The following RCOR1 variants were observed in gnomAD, a reference collection of about 807,000 sequenced individuals.
The protein encoded by RCOR1 is REST corepressor 1.
In RCOR1, 12 loss-of-function variants were observed where a neutral mutation model predicts 64.0. That is an observed-to-expected ratio of 0.19 (90% confidence interval 0.12 to 0.30). The LOEUF is 0.30. RCOR1 is among the 10% of genes least tolerant of loss of function. The pLI is 1.00. For missense variants in RCOR1, 502 were observed against 621.2 expected (o/e 0.81, Z 2.04); for synonymous variants, 279 against 227.2 (o/e 1.23, Z -2.05).
intron 8 of RCOR1, among the ~76,000 whole-genome samples, chr14:102,714,925 A>G (rs1023391056): frequency 7.9e-5 from 12 of 152,128 alleles, no homozygotes; most frequent in African/African-American, 2.7e-4. Context: ...TACCCTAGTA[A>G]CCTGCATCTG....
At chr14:102,629,334 A>G (rs1894054666) in intron 2 of RCOR1, among the ~76,000 whole-genome samples, 1 of 151,626 alleles carries the variant, frequency 6.6e-6, no homozygotes, top group Non-Finnish European at 1.5e-5. Context: ...TCTTATCGTC[A>G]TCTAACACAC....
chr14:102,597,371 C>T (rs1421426499), intron 2 of RCOR1, among the ~76,000 whole-genome samples: 1 of 151,968 alleles, frequency 6.6e-6, no homozygotes, highest in Non-Finnish European at 1.5e-5. Flanking sequence ...CTCTTTCACC[C>T]AGGCTGGAGT....
Position 102,728,386 on chromosome 14 carries a change from C to A in RCOR1, c.*1880C>A, listed in dbSNP as rs1486957239. The A allele has an allele frequency of 6.6e-6, 1 of 152,110 alleles. No homozygotes were observed. The highest frequency in any genetic ancestry group is 2.4e-5 in the African/African-American group (1 of 41,392). The allele number at this position is 152,110 out of a possible 1,614,324, so 9.4% of individuals were successfully genotyped here. ...GGGAGAGGCTTCTTTTCACCATAAG[C>A]CTGCTGTGTACACCGAGGGCGGCAG... On this transcript the variant is annotated 3_prime_UTR_variant, in exon 12 of 12. Coordinates refer to ENST00000262241, the MANE Select transcript of RCOR1 (RefSeq NM_015156.4).
intron 3 of RCOR1, 69 bp from the exon 4 acceptor site, chr14:102,701,209 A>C: frequency 8.0e-7 from 1 of 1,257,590 alleles, no homozygotes; most frequent in South Asian, 1.2e-5. Context: ...CACGTATATC[A>C]ATTCTAGCAG....
intron 4 of RCOR1, among the ~76,000 whole-genome samples, chr14:102,703,651 A>T (rs2139980263): frequency 6.6e-6 from 1 of 152,358 alleles, no homozygotes; most frequent in East Asian, 1.9e-4. Context: ...TGTCAGTTAA[A>T]AGCTGCCGGA....
chr14:102,599,675 G>A (rs1027636411), intron 2 of RCOR1, among the ~76,000 whole-genome samples: 42 of 152,034 alleles, frequency 2.8e-4, no homozygotes, highest in African/African-American at 9.9e-4. Flanking sequence ...TGTGGAATAG[G>A]TAATTTTACT....
Position 102,676,031 on chromosome 14 carries a change from GTTTT to G in RCOR1, c.362-5850_362-5847del, listed in dbSNP as rs199759549. Among the ~76,000 whole-genome samples the G allele has an allele frequency of 4.9e-3, 701 of 142,754 alleles. 4 individuals are homozygous for G. The highest frequency in any genetic ancestry group is 0.017 in the African/African-American group (660 of 39,602). The allele number at this position is 142,754 out of a possible 152,430, so 93.7% of individuals were successfully genotyped here. A position where few individuals can be genotyped will look rare whatever the true frequency, so the allele number is the denominator to read the frequency against. On this transcript the variant is annotated intron_variant, in intron 2 of 11. Transcript: ENST00000262241. ...ATTGAAAACATCTGAATATTTCACA[GTTTT>G]TTTTTTTTTTTTTCCCCAAGGCAGA...
intron 2 of RCOR1, chr14:102,658,695 T>C (rs1370431806): frequency 1.2e-6 from 1 of 863,294 alleles, no homozygotes; most frequent in African/African-American, 1.8e-5. Flanking sequence ...GATACATTAC[T>C]AAGTTCCACA....
intron 2 of RCOR1, among the ~76,000 whole-genome samples, chr14:102,615,207 A>C (rs1181269739): frequency 1.5e-5 from 2 of 136,440 alleles, no homozygotes; most frequent in African/African-American, 5.6e-5. Context: ...ATCTTGGCTC[A>C]CTGCAACCTC....
intron 10 of RCOR1, 120 bp from the exon 11 acceptor site, chr14:102,722,067 T>G: frequency 2.8e-6 from 2 of 714,822 alleles, no homozygotes; most frequent in Non-Finnish European, 4.7e-6. Context: ...TACACGAAAT[T>G]ATTGCCTGCT....
chr14:102,720,538 T>C (rs1896152601), intron 8 of RCOR1, among the ~76,000 whole-genome samples: 1 of 152,214 alleles, frequency 6.6e-6, no homozygotes, highest in Admixed American at 6.5e-5. Flanking sequence ...TTCTGCCCTG[T>C]GTAGAAGCGG....
In RCOR1 at chr14:102,635,076, C is replaced by T. The variant is rs948962978; in HGVS notation, c.361+41751C>T. Among the ~76,000 whole-genome samples, 5 of 152,042 alleles carry T rather than the reference C, an allele frequency of 3.3e-5. 1 individual carries two copies. Among genetic ancestry groups the T allele is most frequent in the African/African-American group, 1.2e-4 (5 of 41,400 alleles). On this transcript the variant is annotated intron_variant, in intron 2 of 11. Coordinates refer to ENST00000262241, the MANE Select transcript of RCOR1 (RefSeq NM_015156.4). The stretch of plus-strand genomic sequence containing the variant: ...CTTGAACTCCTGGCCTCAAGCAGTC[C>T]TCCTGCCTTGGCCTCCTAAAGTGCT...
intron 2 of RCOR1, among the ~76,000 whole-genome samples, chr14:102,617,838 T>G (rs1422826046): frequency 6.6e-6 from 1 of 152,058 alleles, no homozygotes; most frequent in African/African-American, 2.4e-5. Flanking sequence ...TCTGCCTGCC[T>G]CGGCTTCCCA....
intron 3 of RCOR1, among the ~76,000 whole-genome samples, chr14:102,689,882 T>TA (rs745656189): frequency 2.6e-4 from 40 of 152,248 alleles, no homozygotes; most frequent in Non-Finnish European, 5.0e-4. Context: ...TAGCTGGAAT[T>TA]ACAGGCACCC....
intron 3 of RCOR1, among the ~76,000 whole-genome samples, chr14:102,696,875 CT>C (rs1160783019): frequency 2.4e-3 from 183 of 77,114 alleles, no homozygotes; most frequent in African/African-American, 4.1e-3. Flanking sequence ...GGGTTGAAAG[CT>C]TTTTTTTTTT....
At position 102,622,423 on chromosome 14, in the gene RCOR1, A is replaced by T. The variant is rs550223726; in HGVS notation, c.361+29098A>T. ...CTTCCCCATCACTGTCTGCTTGGGA[A>T]CCGTGAGCATTGTTCTCATCTTGTG... On this transcript the variant is annotated intron_variant, in intron 2 of 11. Coordinates refer to ENST00000262241, the MANE Select transcript of RCOR1 (RefSeq NM_015156.4). Among the ~76,000 whole-genome samples, 3 of 152,210 alleles carry T rather than the reference A, an allele frequency of 2.0e-5. No individual in the cohort carries two copies. In the South Asian group the frequency reaches 6.2e-4, roughly 32 times the overall value.
chr14:102,677,130 C>T (rs1463597829), intron 2 of RCOR1, among the ~76,000 whole-genome samples: 2 of 134,806 alleles, frequency 1.5e-5, no homozygotes, highest in Non-Finnish European at 3.2e-5. Flanking sequence ...CCTCACCTCC[C>T]GGACGGGGCG....
chr14:102,724,111 G>A (rs995438264), intron 11 of RCOR1, among the ~76,000 whole-genome samples: 3 of 151,896 alleles, frequency 2.0e-5, no homozygotes, highest in African/African-American at 4.8e-5. Context: ...TCAAAGTACC[G>A]TCTTTCTTTT....
At chr14:102,653,921 TTC>T (rs1894647615) in intron 2 of RCOR1, among the ~76,000 whole-genome samples, 1 of 16,210 alleles carries the variant, frequency 6.2e-5, no homozygotes, top group Non-Finnish European at 1.2e-4. Flanking sequence ...AGGTATTTCC[TTC>T]TTTCTTTCTT....
Sources: gnomAD v4.1 joint callset for allele counts (sites outside exome capture counted in the v4.1 genomes callset) on GRCh38, gnomAD v4.1.1 for gene constraint, MANE v1.5 for transcripts, NCBI Gene and HGNC (gene_info 2026-07-23, HGNC 2026-07-21) for gene names.